RGS7: variants seen among roughly 807,000 people sequenced by gnomAD.
The protein encoded by RGS7 is regulator of G-protein signaling 7.
RGS7 carries 27 observed loss-of-function variants against 81.1 expected under a neutral mutation model. The ratio of observed to expected loss-of-function variants is 0.33; its 90% CI spans 0.25 to 0.46. RGS7 has a LOEUF of 0.46. Among genes scored for constraint, RGS7 ranks in the 20% least tolerant of loss-of-function variants. The pLI, the probability that RGS7 is intolerant of heterozygous loss-of-function variation, is 1.00. For synonymous variants in RGS7, 208 were observed against 207.7 expected (o/e 1.00, Z -0.01); for missense variants, 396 against 607.4 (o/e 0.65, Z 3.66).
At chr1:241,016,910 CTTT>C (rs953166029) in intron 3 of RGS7, among the ~76,000 whole-genome samples, 49 of 152,274 alleles carry the variant, frequency 3.2e-4, no homozygotes, top group African/African-American at 9.4e-4. Flanking sequence ...TTTTCCTCTT[CTTT>C]TACTGCCTTC....
At chr1:241,350,253 C>T (rs2083152737) in intron 2 of RGS7, among the ~76,000 whole-genome samples, 1 of 152,118 alleles carries the variant, frequency 6.6e-6, no homozygotes, top group Non-Finnish European at 1.5e-5. Flanking sequence ...AATGATGGTC[C>T]TATCTTATCT....
chr1:241,148,429 G>T (rs1303694694), intron 2 of RGS7, among the ~76,000 whole-genome samples: 1 of 152,178 alleles, frequency 6.6e-6, no homozygotes, highest in Non-Finnish European at 1.5e-5. Context: ...GTCAGGATAA[G>T]TTAGAAACCC....
intron 2 of RGS7, among the ~76,000 whole-genome samples, chr1:241,261,146 C>T (rs1032574934): frequency 2.6e-5 from 4 of 151,910 alleles, no homozygotes; most frequent in Non-Finnish European, 2.9e-5. Context: ...TAACAAAAGG[C>T]TTCTTCGAAC....
intron 6 of RGS7, chr1:240,920,260 G>T: frequency 7.9e-7 from 1 of 1,270,202 alleles, no homozygotes. Context: ...AACTTTGGTG[G>T]TGATCGTGGT....
intron 2 of RGS7, among the ~76,000 whole-genome samples, chr1:241,281,422 C>T (rs2078505725): frequency 1.3e-5 from 2 of 152,176 alleles, no homozygotes; most frequent in Admixed American, 1.3e-4. Context: ...AATTGCCTAT[C>T]ACAGCAAAAA....
chr1:241,079,976 A>T (rs939527484), intron 3 of RGS7, among the ~76,000 whole-genome samples: 4 of 152,166 alleles, frequency 2.6e-5, no homozygotes, highest in Admixed American at 2.6e-4. Context: ...TCAAGAGAAG[A>T]TTACTACAAA....
chr1:240,960,823 A>G (rs546515543), intron 4 of RGS7, among the ~76,000 whole-genome samples: 4 of 152,316 alleles, frequency 2.6e-5, no homozygotes, highest in African/African-American at 9.6e-5. Context: ...ATGAAGCTTG[A>G]GACCTAACTT....
At chr1:240,855,504 C>T (rs1232236189) in intron 9 of RGS7, among the ~76,000 whole-genome samples, 1 of 151,376 alleles carries the variant, frequency 6.6e-6, no homozygotes, top group African/African-American at 2.4e-5. Context: ...GGTCACGGCT[C>T]ACTGTGGCCT....
intron 18 of RGS7, among the ~76,000 whole-genome samples, chr1:240,799,881 C>T (rs574278523): frequency 6.6e-6 from 1 of 152,220 alleles, no homozygotes; most frequent in Non-Finnish European, 1.5e-5. Flanking sequence ...TTGGCCCTTT[C>T]TTAAAGTTTG....
intron 2 of RGS7, among the ~76,000 whole-genome samples, chr1:241,307,675 G>A (rs556796689): frequency 2.6e-5 from 4 of 152,158 alleles, no homozygotes; most frequent in African/African-American, 7.2e-5. Context: ...ACACACGAAC[G>A]TCTCCACCAT....
intron 9 of RGS7, among the ~76,000 whole-genome samples, chr1:240,858,623 C>CA (rs1382140138): frequency 1.3e-5 from 2 of 152,120 alleles, no homozygotes; most frequent in East Asian, 3.9e-4. Context: ...AATACCAGTC[C>CA]AAAATATCAG....
intron 6 of RGS7, among the ~76,000 whole-genome samples, chr1:240,877,880 C>G (rs568090817): frequency 4.2e-4 from 64 of 152,290 alleles, no homozygotes; most frequent in African/African-American, 1.2e-3. Flanking sequence ...ATATCAGATG[C>G]TTTTCAACTC....
chr1:241,281,051 A>T lies in RGS7; in HGVS notation c.78+74648T>A, dbSNP rs1010289561. ...GATGAACCACATAGTCTAGAAATAT[A>T]AAAAAAAATAAGAAAAAGTTAGGTA... On this transcript the variant is annotated intron_variant, in intron 2 of 18. Transcript: ENST00000440928. 5.3e-5 allele frequency among the ~76,000 whole-genome samples: 8 copies of T among 151,306 alleles called. No individual in the cohort carries two copies. In the East Asian group the frequency reaches 7.7e-4, roughly 15 times the overall value.
At chr1:240,823,126 A>G in intron 10 of RGS7, 2 of 1,152,446 alleles carry the variant, frequency 1.7e-6, no homozygotes, top group Non-Finnish European at 2.6e-6. Flanking sequence ...TTCTGGTCTG[A>G]GGTAGCCAAC....
intron 4 of RGS7, among the ~76,000 whole-genome samples, chr1:240,957,082 T>C (rs1680563104): frequency 6.6e-6 from 1 of 152,076 alleles, no homozygotes; most frequent in African/African-American, 2.4e-5. Flanking sequence ...CAGAGGAGAT[T>C]AACATTTGAG....
At chr1:241,187,039 A>G (rs1427875656) in intron 2 of RGS7, among the ~76,000 whole-genome samples, 1 of 152,198 alleles carries the variant, frequency 6.6e-6, no homozygotes, top group Non-Finnish European at 1.5e-5. Flanking sequence ...CCAAACGAGA[A>G]TAGATTTTCT....
chr1:240,980,983 A>G (rs1684828533), intron 4 of RGS7, among the ~76,000 whole-genome samples: 1 of 152,232 alleles, frequency 6.6e-6, no homozygotes, highest in African/African-American at 2.4e-5. Flanking sequence ...CATGCACATT[A>G]TAGCTAAAAC....
chr1:241,184,673 T>G (rs2071936890), intron 2 of RGS7, among the ~76,000 whole-genome samples: 1 of 152,148 alleles, frequency 6.6e-6, no homozygotes, highest in Non-Finnish European at 1.5e-5. Context: ...GTGGGTAAGG[T>G]GTATACAAAA....
At chr1:241,162,137 T>G (rs763965266) in intron 2 of RGS7, among the ~76,000 whole-genome samples, 7 of 151,956 alleles carry the variant, frequency 4.6e-5, no homozygotes, top group Non-Finnish European at 8.8e-5. Context: ...TGTTAAACTA[T>G]TTCTCTAAAA....
Sources: allele counts gnomAD v4.1 joint callset (sites outside exome capture counted in the v4.1 genomes callset), GRCh38; gene constraint gnomAD v4.1.1; transcripts MANE v1.5; gene names NCBI Gene and HGNC (gene_info 2026-07-23, HGNC 2026-07-21).